Variants in TMEM150C observed in about 807,000 individuals in gnomAD.
TMEM150C encodes tentonin 3.
TMEM150C carries 10 observed loss-of-function variants against 29.9 expected under a neutral mutation model. The observed-to-expected ratio is 0.33, with a 90% CI of 0.21 to 0.57. TMEM150C has a LOEUF of 0.57. Among genes scored for constraint, TMEM150C ranks in the 20% least tolerant of loss-of-function variants. The probability of loss-of-function intolerance (pLI) is 0.88; values close to 1 mark genes in which losing one functional copy is unlikely to be tolerated. For missense variants in TMEM150C, 251 were observed against 303.6 expected, an observed-to-expected ratio of 0.83 and a Z score of 1.29; for synonymous variants, 101 against 112.5, an observed-to-expected ratio of 0.90 and a Z score of 0.64.
chr4:82,489,970 A>G (rs1378511865), intron 7 of TMEM150C, 91 bp downstream of exon 7: 1 of 1,281,160 alleles, frequency 7.8e-7, no homozygotes, highest in Non-Finnish European at 1.1e-6. Flanking sequence ...AAGATCTGGC[A>G]GAATATCCTA....
At chr4:82,506,448 T>C (rs1016661157) in intron 1 of TMEM150C, among the ~76,000 whole-genome samples, 1 of 152,198 alleles carries the variant, frequency 6.6e-6, no homozygotes, top group African/African-American at 2.4e-5. Context: ...AGATCTAAAT[T>C]ACAGAATAGA....
rs140266258 is a variant in TMEM150C, at chr4:82,558,353, T to C, written c.-11+3553A>G. ...ACAGATTACAGAACATGTCCATCAA[T>C]GCAGAAAGTTCTTTTGGACAGCACT... On this transcript the variant is annotated intron_variant, in intron 1 of 7. Transcript: ENST00000449862. Among the ~76,000 whole-genome samples the C allele has an allele frequency of 5.7e-3, 872 of 152,294 alleles. 10 individuals are homozygous for C. Among genetic ancestry groups the C allele is most frequent in the African/African-American group, 0.02 (821 of 41,556 alleles).
At chr4:82,559,074 C>G (rs940885740) in intron 1 of TMEM150C, among the ~76,000 whole-genome samples, 4 of 152,300 alleles carry the variant, frequency 2.6e-5, no homozygotes, top group African/African-American at 9.6e-5. Flanking sequence ...AGATCCACCC[C>G]CTGCCTGCAA....
intron 1 of TMEM150C, among the ~76,000 whole-genome samples, chr4:82,542,205 A>C (rs1725222982): frequency 6.6e-6 from 1 of 152,216 alleles, no homozygotes; most frequent in African/African-American, 2.4e-5. Flanking sequence ...ATTTAGGAAA[A>C]GGTAAGGTTT....
intron 1 of TMEM150C, among the ~76,000 whole-genome samples, chr4:82,507,610 G>A (rs374076693): frequency 2.0e-5 from 3 of 151,214 alleles, no homozygotes; most frequent in African/African-American, 7.3e-5. Flanking sequence ...TGTTTAATTT[G>A]GTTTAGTTTC....
chr4:82,503,130 G>T lies in TMEM150C; in HGVS notation c.81-18C>A. 1 of 1,547,132 alleles carries T rather than the reference G, an allele frequency of 6.5e-7. No individual in the cohort carries two copies. Among genetic ancestry groups the T allele is most frequent in the Non-Finnish European group, 8.9e-7 (1 of 1,129,390 alleles). ...TGAAGTATCTATCAAAAAAGAATAA[G>T]TTTATAGAACAAAGAAATTGGAAAA... is the stretch of plus-strand genomic sequence containing the variant. On this transcript the variant is annotated intron_variant, in intron 2 of 7. Transcript: ENST00000449862.
chr4:82,492,864 G>GTATATATATATATATATATATA lies in TMEM150C; in HGVS notation c.364-2648_364-2627dup, dbSNP rs58169287. Among the ~76,000 whole-genome samples, 34 of 90,274 alleles carry GTATATATATATATATATATATA rather than the reference G, an allele frequency of 3.8e-4. 2 individuals carry two copies. The highest frequency in any genetic ancestry group is 5.3e-4 in the Non-Finnish European group (24 of 45,114). The allele number at this position is 90,274 out of a possible 152,430, so 59.2% of individuals were successfully genotyped here. ...CATCAAACCTAGCGTATATGTTTGT[G>GTATATATATATATATATATATA]TATATATATATATATATATATATAT... On this transcript the variant is annotated intron_variant, in intron 6 of 7. Coordinates refer to ENST00000449862, the MANE Select transcript of TMEM150C (RefSeq NM_001080506.3).
chr4:82,552,729 T>A (rs1725621555), intron 1 of TMEM150C, among the ~76,000 whole-genome samples: 1 of 152,136 alleles, frequency 6.6e-6, no homozygotes, highest in Non-Finnish European at 1.5e-5. Flanking sequence ...GTAGAGTTCG[T>A]CAGATGATTT....
intron 1 of TMEM150C, among the ~76,000 whole-genome samples, chr4:82,550,957 G>C (rs907101156): frequency 6.6e-6 from 1 of 152,140 alleles, no homozygotes; most frequent in Non-Finnish European, 1.5e-5. Context: ...GAGTGAGTAG[G>C]TATGGTTTAG....
At chr4:82,543,546 A>G (rs1725261650) in intron 1 of TMEM150C, among the ~76,000 whole-genome samples, 1 of 152,216 alleles carries the variant, frequency 6.6e-6, no homozygotes, top group African/African-American at 2.4e-5. Flanking sequence ...AAACAACAAT[A>G]TAAAAACCAG....
At chr4:82,561,840 G>C (rs1013498727) in intron 1 of TMEM150C, 66 bp downstream of exon 1, 4 of 971,956 alleles carry the variant, frequency 4.1e-6, no homozygotes, top group East Asian at 2.3e-4. Flanking sequence ...GGCTGCGCAC[G>C]GGGCCGGGCC....
At chr4:82,495,914 C>A (rs1723541495) in intron 6 of TMEM150C, 154 bp downstream of exon 6, 1 of 924,926 alleles carries the variant, frequency 1.1e-6, no homozygotes, top group Admixed American at 2.6e-5. Context: ...CTGAACAGCT[C>A]CGAGTTGCCA....
intron 1 of TMEM150C, among the ~76,000 whole-genome samples, chr4:82,560,471 C>T (rs4693457): frequency 0.25 from 37,783 of 152,028 alleles, 5,433 homozygotes; most frequent in African/African-American, 0.41. Flanking sequence ...AAAATTCCTA[C>T]GCTTATGCCT....
At chr4:82,495,532 C>CT (rs1363510299) in intron 6 of TMEM150C, 62 of 355,586 alleles carry the variant, frequency 1.7e-4, no homozygotes, top group South Asian at 2.5e-4. Context: ...AGCCTTCTCT[C>CT]TTTTTTTTCA....
chr4:82,562,191 G>A (rs1047015639), upstream of TMEM150C: 7 of 1,283,656 alleles, frequency 5.5e-6, no homozygotes, highest in African/African-American at 1.5e-5. Flanking sequence ...GTGGGCGGGC[G>A]AGCCGCTTCC....
At chr4:82,519,302 G>A (rs79721053) in intron 1 of TMEM150C, among the ~76,000 whole-genome samples, 3,791 of 152,218 alleles carry the variant, frequency 0.025, 80 homozygotes, top group African/African-American at 0.059. Context: ...GGTGAATGCT[G>A]TAGTACCCCC....
intron 5 of TMEM150C, among the ~76,000 whole-genome samples, chr4:82,501,333 G>A (rs1315231032): frequency 6.6e-6 from 1 of 152,066 alleles, no homozygotes; most frequent in Non-Finnish European, 1.5e-5. Flanking sequence ...CTTGATACTT[G>A]TGAATATCTA....
At chr4:82,532,847 G>A (rs541885354) in intron 1 of TMEM150C, among the ~76,000 whole-genome samples, 1 of 151,802 alleles carries the variant, frequency 6.6e-6, no homozygotes, top group African/African-American at 2.4e-5. Context: ...TCCTGTCTCA[G>A]CCTCCCGAGT....
chr4:82,533,415 T>A (rs1724914103), intron 1 of TMEM150C, among the ~76,000 whole-genome samples: 2 of 152,192 alleles, frequency 1.3e-5, no homozygotes, highest in South Asian at 4.1e-4. Flanking sequence ...CAAAAACTGA[T>A]AAGCATATCT....
Sources: allele counts gnomAD v4.1 joint callset (sites outside exome capture counted in the v4.1 genomes callset), GRCh38; gene constraint gnomAD v4.1.1; transcripts MANE v1.5; gene names NCBI Gene and HGNC (gene_info 2026-07-23, HGNC 2026-07-21).